Variants in SLC39A8 observed in about 807,000 individuals in gnomAD.
The protein encoded by SLC39A8 is solute carrier family 39 member 8, also known as metal cation symporter ZIP8.
In SLC39A8, 15 loss-of-function variants were observed where a neutral mutation model predicts 40.4. That is an observed-to-expected ratio of 0.37 (90% CI 0.25 to 0.57). The LOEUF is 0.57. Ranked by LOEUF, SLC39A8 falls within the 20% of genes least tolerant of loss-of-function variation. The probability of loss-of-function intolerance (pLI) is 0.75; values close to 1 mark genes in which losing one functional copy is unlikely to be tolerated. For missense variants in SLC39A8, 472 were observed against 558.8 expected, an observed-to-expected ratio of 0.84 and a Z score of 1.57; for synonymous variants, 223 against 221.6, an observed-to-expected ratio of 1.01 and a Z score of -0.06.
At chr4:102,290,869 A>G (rs1040078102) in intron 6 of SLC39A8, among the ~76,000 whole-genome samples, 1 of 151,986 alleles carries the variant, frequency 6.6e-6, no homozygotes, top group African/African-American at 2.4e-5. Flanking sequence ...TCCACCCACA[A>G]ACACTTTCTC....
At chr4:102,280,587 T>C (rs1364779871) in intron 6 of SLC39A8, among the ~76,000 whole-genome samples, 53 of 152,244 alleles carry the variant, frequency 3.5e-4, no homozygotes, top group Non-Finnish European at 1.0e-4. Flanking sequence ...TGGTGATTAC[T>C]TGGTCCTTCT....
In SLC39A8 at chr4:102,315,839, G is replaced by T. The variant is rs1291658895; in HGVS notation, c.220-9C>A. The T allele has an allele frequency of 2.5e-6, 4 of 1,573,052 alleles. No individual in the cohort carries two copies. The highest frequency in any genetic ancestry group is 3.4e-6 in the Non-Finnish European group (4 of 1,162,584). On this transcript the variant is annotated splice_polypyrimidine_tract_variant and intron_variant, in intron 2 of 8. Coordinates refer to ENST00000356736, the MANE Select transcript of SLC39A8 (RefSeq NM_001135146.2). Reference sequence around the variant, plus strand: ...TCTTCAGCAGTTAAACACTGAAATAGAATAAACAAAAAAAAAATGTGATAA... The same window carrying T: ...TCTTCAGCAGTTAAACACTGAAATATAATAAACAAAAAAAAAATGTGATAA...
At chr4:102,270,026 T>C (rs768250284) in intron 6 of SLC39A8, among the ~76,000 whole-genome samples, 1 of 152,166 alleles carries the variant, frequency 6.6e-6, no homozygotes, top group African/African-American at 2.4e-5. Flanking sequence ...AAGGTGGTCA[T>C]AGGGAAAGCC....
At chr4:102,251,666 A>G (rs1731595100) in exon 12 of SLC39A8, 1 of 152,278 alleles carries the variant, frequency 6.6e-6, no homozygotes. Flanking sequence ...AGTGAGAGTC[A>G]ATCGCTTCTA....
chr4:102,260,980 A>C (rs1409463439), downstream of SLC39A8, among the ~76,000 whole-genome samples: 2 of 152,214 alleles, frequency 1.3e-5, no homozygotes, highest in Non-Finnish European at 2.9e-5. Context: ...GGAAATTCCC[A>C]ATGTGGAAGA....
rs1157209586 is a variant in SLC39A8 at position 102,262,033 on chromosome 4, CA to C, written c.*1010del. The C allele has an allele frequency of 1.0e-6, 1 of 985,652 alleles. No homozygotes were observed. The highest frequency in any genetic ancestry group is 1.2e-6 in the Non-Finnish European group (1 of 829,854). The allele number at this position is 985,652 out of a possible 1,614,324, so 61.1% of individuals were successfully genotyped here. A position where few individuals can be genotyped will look rare whatever the true frequency, so the allele number is the denominator to read the frequency against. On this transcript the variant is annotated 3_prime_UTR_variant, in exon 9 of 9. Transcript: ENST00000356736. ...CATATGGAAAAGTATAGGCTGAACA[CA>C]AAGGAAGTCTTTTCTGAATGGCTCT... is the stretch of plus-strand genomic sequence containing the variant.
intron 2 of SLC39A8, among the ~76,000 whole-genome samples, chr4:102,343,964 G>A (rs1302142837): frequency 6.6e-6 from 1 of 152,118 alleles, no homozygotes; most frequent in Non-Finnish European, 1.5e-5. Flanking sequence ...ATGTACACAG[G>A]AGCCAGAACT....
chr4:102,256,736 A>G (rs561842720), downstream of SLC39A8, among the ~76,000 whole-genome samples: 1 of 152,322 alleles, frequency 6.6e-6, no homozygotes, highest in East Asian at 1.9e-4. Flanking sequence ...AAATTCACAC[A>G]GTCACCTCCT....
chr4:102,337,486 A>G (rs765586065), intron 2 of SLC39A8, among the ~76,000 whole-genome samples: 1 of 152,148 alleles, frequency 6.6e-6, no homozygotes, highest in Non-Finnish European at 1.5e-5. Context: ...AGTTCACCTG[A>G]TAACTGTGTG....
intron 8 of SLC39A8, among the ~76,000 whole-genome samples, chr4:102,263,487 C>T (rs1268089597): frequency 6.6e-6 from 1 of 152,154 alleles, no homozygotes; most frequent in Non-Finnish European, 1.5e-5. Context: ...ACCAATCATT[C>T]GAGCTTTGGG....
chr4:102,260,798 T>G (rs1731828271), downstream of SLC39A8, among the ~76,000 whole-genome samples: 1 of 152,260 alleles, frequency 6.6e-6, no homozygotes, highest in Non-Finnish European at 1.5e-5. Flanking sequence ...CAGGCAAGTA[T>G]AACTACCTCC....
chr4:102,253,163 G>GT, exon 12 of SLC39A8: 1 of 359,056 alleles, frequency 2.8e-6, no homozygotes, highest in Non-Finnish European at 5.0e-6. Context: ...GTTTTTCGGG[G>GT]CGAGCGGGGA....
intron 6 of SLC39A8, 70 bp downstream of exon 6, chr4:102,304,247 G>T: frequency 1.7e-6 from 2 of 1,205,392 alleles, no homozygotes; most frequent in Non-Finnish European, 2.3e-6. Flanking sequence ...TGACTTAGCT[G>T]CATAAACAGT....
intron 6 of SLC39A8, among the ~76,000 whole-genome samples, chr4:102,293,717 A>C (rs1733558508): frequency 6.6e-6 from 1 of 152,004 alleles, no homozygotes; most frequent in Admixed American, 6.6e-5. Context: ...CTTAAATATC[A>C]TAAAAATGTA....
intron 6 of SLC39A8, among the ~76,000 whole-genome samples, chr4:102,284,655 T>G (rs1338920877): frequency 1.3e-5 from 2 of 152,230 alleles, no homozygotes; most frequent in Non-Finnish European, 2.9e-5. Flanking sequence ...ATTGCCATTA[T>G]TGTTTTAATA....
intron 3 of SLC39A8, among the ~76,000 whole-genome samples, chr4:102,309,489 C>T (rs1158532907): frequency 1.3e-5 from 2 of 152,062 alleles, no homozygotes; most frequent in Non-Finnish European, 2.9e-5. Flanking sequence ...CACAGACATT[C>T]CACTTGGAGA....
intron 6 of SLC39A8, among the ~76,000 whole-genome samples, chr4:102,285,497 C>A (rs1733130598): frequency 6.6e-6 from 1 of 151,928 alleles, no homozygotes. Context: ...ATCTTCAATT[C>A]TTTTTTTATT....
At chr4:102,306,128 G>A (rs951748959) in intron 4 of SLC39A8, among the ~76,000 whole-genome samples, 7 of 151,952 alleles carry the variant, frequency 4.6e-5, no homozygotes, top group Non-Finnish European at 7.4e-5. Context: ...ATGAAAATTT[G>A]AGAGATTATT....
chr4:102,308,446 T>C lies in SLC39A8; in HGVS notation c.383-841A>G, dbSNP rs189820154. On this transcript the variant is annotated intron_variant, in intron 3 of 8. Coordinates refer to ENST00000356736, the MANE Select transcript of SLC39A8 (RefSeq NM_001135146.2). ...TGAATGAATACTATCCTAAGCTCTA[T>C]AGCTAATGGCATGTGTGACCTATTG... Among the ~76,000 whole-genome samples the C allele has an allele frequency of 2.0e-5, 3 of 152,226 alleles. No individual in the cohort carries two copies. In the East Asian group the frequency reaches 5.8e-4, roughly 30 times the overall value.
Sources: gnomAD v4.1 joint callset for allele counts (sites outside exome capture counted in the v4.1 genomes callset) on GRCh38, gnomAD v4.1.1 for gene constraint, MANE v1.5 for transcripts, NCBI Gene and HGNC (gene_info 2026-07-23, HGNC 2026-07-21) for gene names.